The following RALGPS1 variants were observed in gnomAD, a reference collection of about 807,000 sequenced individuals.
The protein encoded by RALGPS1 is ras-specific guanine nucleotide-releasing factor RalGPS1.
Under a neutral mutation model 78.8 loss-of-function variants are expected in RALGPS1, and 19 were observed. The ratio of observed to expected loss-of-function variants is 0.24; its 90% CI spans 0.17 to 0.35. The LOEUF is 0.35. Among genes scored for constraint, RALGPS1 ranks in the 10% least tolerant of loss-of-function variants. The pLI is 1.00. For synonymous variants in RALGPS1, 228 were observed against 256.3 expected (o/e 0.89, Z 1.06); for missense variants, 454 against 688.3 (o/e 0.66, Z 3.81).
rs539466335 is a variant in RALGPS1 at position 127,212,554 on chromosome 9, G to T, written c.1354-73G>T. On this transcript the variant is annotated intron_variant, in intron 15 of 18. Coordinates refer to ENST00000259351, the MANE Select transcript of RALGPS1 (RefSeq NM_014636.3). The surrounding 1 kb of genome is among the most constrained non-coding windows in gnomAD (Gnocchi z 6.0). ...GCACTGGCATTGATGGGATGGCTGGGTCTGTAATCGGCCAGGGATCCTCTA... is the reference window on the plus strand; with the variant it reads ...GCACTGGCATTGATGGGATGGCTGGTTCTGTAATCGGCCAGGGATCCTCTA... The T allele has an allele frequency of 1.2e-3, 1,263 of 1,082,446 alleles. 2 individuals are homozygous for T. The Middle Eastern group carries it at 0.015, about 13-fold the overall frequency. 67.1% of individuals were successfully genotyped at this position (1,082,446 alleles called of 1,614,324 possible).
rs576864944 is a variant in RALGPS1 at position 127,220,569 on chromosome 9, G to A, written c.*1800G>A. 18 of 152,292 alleles carry A rather than the reference G, an allele frequency of 1.2e-4. No individual in the cohort carries two copies. In the East Asian group the frequency reaches 2.9e-3, roughly 24 times the overall value. The allele number at this position is 152,292 out of a possible 1,614,324, so 9.4% of individuals were successfully genotyped here. ...GACACCGGGTGCTCTGCACACCCAC[G>A]CGGATGTTGCACCTCATTCTCCCGA... On this transcript the variant is annotated 3_prime_UTR_variant, in exon 19 of 19. Transcript: ENST00000259351.
At chr9:127,049,142 C>T (rs1023675305) in intron 5 of RALGPS1, among the ~76,000 whole-genome samples, 4 of 152,210 alleles carry the variant, frequency 2.6e-5, no homozygotes, top group African/African-American at 9.7e-5. Flanking sequence ...TTGCCTGGCT[C>T]TCCACCTTTC....
chr9:127,081,457 G>A (rs2051163002), intron 8 of RALGPS1, among the ~76,000 whole-genome samples: 1 of 152,248 alleles, frequency 6.6e-6, no homozygotes, highest in Non-Finnish European at 1.5e-5. Context: ...AGAGGAGGCT[G>A]ACCTAAATCC....
chr9:127,184,143 T>C (rs1218859078), intron 11 of RALGPS1: 1 of 1,184,906 alleles, frequency 8.4e-7, no homozygotes, highest in Non-Finnish European at 1.2e-6. Flanking sequence ...CTGGGCAACA[T>C]GGCAAAACCC....
intron 4 of RALGPS1, among the ~76,000 whole-genome samples, chr9:126,983,997 A>G (rs1163399030): frequency 1.3e-5 from 2 of 152,088 alleles, no homozygotes; most frequent in African/African-American, 4.8e-5. Flanking sequence ...TTATTCCTTC[A>G]TTGTAAAGTT....
At chr9:127,133,717 GA>G (rs1035874075) in intron 8 of RALGPS1, among the ~76,000 whole-genome samples, 6 of 152,296 alleles carry the variant, frequency 3.9e-5, no homozygotes, top group African/African-American at 1.4e-4. Context: ...CTTTAACATG[GA>G]ACCAAAACTC....
intron 4 of RALGPS1, chr9:127,016,986 T>G (rs990295500): frequency 5.3e-5 from 8 of 152,224 alleles, no homozygotes; most frequent in African/African-American, 1.2e-4. Context: ...GAAATGTCAT[T>G]ACTTCAAATT....
chr9:126,958,142 A>AAAAAAAAAATATATATAT (rs113413659), intron 1 of RALGPS1, among the ~76,000 whole-genome samples: 3 of 77,104 alleles, frequency 3.9e-5, no homozygotes, highest in African/African-American at 8.1e-5. Flanking sequence ...AAAAAAAAAA[A>AAAAAAAAAATATATATAT]ATATATATAT....
At chr9:127,023,560 C>T (rs1217907723) in intron 4 of RALGPS1, among the ~76,000 whole-genome samples, 1 of 152,132 alleles carries the variant, frequency 6.6e-6, no homozygotes, top group Non-Finnish European at 1.5e-5. Context: ...GGGACAGTGC[C>T]TGGCAGTGAG....
At position 126,952,863 on chromosome 9, in the gene RALGPS1, C is replaced by T. The variant is rs1306880292; in HGVS notation, c.-65-9362C>T. On this transcript the variant is annotated intron_variant, in intron 1 of 18. Transcript: ENST00000259351. ...GCATGACACAGAAAGGAGGAAGAGG[C>T]GGCTGCGGAGTCGTGGGAGAGCTGC... Among the ~76,000 whole-genome samples, 4 of 152,066 alleles carry T rather than the reference C, an allele frequency of 2.6e-5. No individual in the cohort carries two copies. The East Asian group carries it at 7.7e-4, about 29-fold the overall frequency.
At chr9:127,182,704 C>T (rs2060351965) in intron 11 of RALGPS1, among the ~76,000 whole-genome samples, 1 of 152,130 alleles carries the variant, frequency 6.6e-6, no homozygotes, top group African/African-American at 2.4e-5. Context: ...CCTGGGATTA[C>T]AGGCGTGAGT....
chr9:126,923,675 A>T (rs1344421722), intron 1 of RALGPS1, among the ~76,000 whole-genome samples: 1 of 152,122 alleles, frequency 6.6e-6, no homozygotes, highest in Non-Finnish European at 1.5e-5. Context: ...GTTCTTGTTG[A>T]GAAGACACAG....
chr9:127,195,298 C>A, intron 12 of RALGPS1, 81 bp downstream of exon 12: 2 of 1,538,474 alleles, frequency 1.3e-6, no homozygotes, highest in South Asian at 1.2e-5. Flanking sequence ...GAATCACTTG[C>A]TGGCTGGGTC....
At chr9:127,017,545 A>G (rs969410348) in intron 4 of RALGPS1, among the ~76,000 whole-genome samples, 2 of 152,188 alleles carry the variant, frequency 1.3e-5, no homozygotes, top group African/African-American at 4.8e-5. Context: ...TAAATGCTAT[A>G]TATGTGGGCT....
At chr9:127,209,620 C>G (rs1411855747) in intron 14 of RALGPS1, among the ~76,000 whole-genome samples, 4 of 152,136 alleles carry the variant, frequency 2.6e-5, no homozygotes, top group African/African-American at 7.2e-5. Flanking sequence ...GGGCAGGAGG[C>G]TCGGGGGCCT....
intron 4 of RALGPS1, among the ~76,000 whole-genome samples, chr9:126,995,899 A>G (rs2042700483): frequency 6.6e-6 from 1 of 151,962 alleles, no homozygotes; most frequent in Non-Finnish European, 1.5e-5. Context: ...ACTCAACTAC[A>G]TGGAAACTGA....
chr9:126,952,648 A>AGTGTGT (rs1370007469), intron 1 of RALGPS1, among the ~76,000 whole-genome samples: 2 of 75,524 alleles, frequency 2.6e-5, no homozygotes, highest in South Asian at 5.1e-4. Flanking sequence ...AGAGAGAGAG[A>AGTGTGT]GAGAGAGAGT....
chr9:127,017,408 A>G (rs2044953827), intron 4 of RALGPS1, among the ~76,000 whole-genome samples: 1 of 152,230 alleles, frequency 6.6e-6, no homozygotes. Context: ...AAAGATAAAA[A>G]TGGTATACCT....
chr9:127,033,628 G>A (rs539756872), intron 4 of RALGPS1, among the ~76,000 whole-genome samples: 4 of 152,156 alleles, frequency 2.6e-5, no homozygotes, highest in Non-Finnish European at 1.5e-5. Flanking sequence ...CTTTCCTCTA[G>A]TCTGTTTCAG....
Sources: gnomAD v4.1 joint callset for allele counts (sites outside exome capture counted in the v4.1 genomes callset) on GRCh38, gnomAD v4.1.1 for gene constraint, Gnocchi (gnomAD v3.1) non-coding constraint, MANE v1.5 for transcripts, NCBI Gene and HGNC (gene_info 2026-07-23, HGNC 2026-07-21) for gene names.